Variants in CDK5RAP2 observed in about 807,000 individuals in gnomAD.
CDK5RAP2 encodes the protein CDK5 regulatory subunit associated protein 2, also known as CDK5 regulatory subunit-associated protein 2.
Under a neutral mutation model 232.9 loss-of-function variants are expected in CDK5RAP2, and 147 were observed. That is an observed-to-expected ratio of 0.63 (90% CI 0.55 to 0.72). The LOEUF (loss-of-function observed/expected upper bound fraction) is 0.72. CDK5RAP2 is among the 30% of genes least tolerant of loss of function. The pLI is 0.00. For synonymous variants in CDK5RAP2, 833 were observed against 833.7 expected, an observed-to-expected ratio of 1.00 and a Z score of 0.01; for missense variants, 2,195 against 2,231.5, an observed-to-expected ratio of 0.98 and a Z score of 0.33.
intron 32 of CDK5RAP2, 177 bp downstream of exon 32, chr9:120,406,835 G>A: frequency 1.6e-6 from 1 of 606,194 alleles, no homozygotes; most frequent in Non-Finnish European, 2.9e-6. Context: ...ACGCCACTTT[G>A]CCCAAGGTGA....
rs184745950 is a variant in CDK5RAP2 at position 120,534,013 on chromosome 9, T to C, written c.662+2359A>G. On this transcript the variant is annotated intron_variant, in intron 7 of 37. Transcript: ENST00000349780. ...TTCTGCATCAGCCTGAGAACCAGTC[T>C]TCTACCCAGCCCCAGTGTCAATCCA... Among the ~76,000 whole-genome samples, 35 of 152,248 alleles carry C rather than the reference T, an allele frequency of 2.3e-4. 2 individuals are homozygous for C. Among genetic ancestry groups the C allele is most frequent in the Admixed American group, 2.2e-3 (33 of 15,298 alleles).
intron 7 of CDK5RAP2, 58 bp downstream of exon 7, chr9:120,536,314 C>T: frequency 6.3e-7 from 1 of 1,576,700 alleles, no homozygotes; most frequent in Non-Finnish European, 8.7e-7. Flanking sequence ...GGAAACAATT[C>T]TTTCCCCACG....
chr9:120,561,089 TAAC>T lies in CDK5RAP2; in HGVS notation c.195+7229_195+7231del, dbSNP rs970103760. Among the ~76,000 whole-genome samples, 8 of 152,050 alleles carry T rather than the reference TAAC, an allele frequency of 5.3e-5. 1 individual carries two copies. Among genetic ancestry groups the T allele is most frequent in the Admixed American group, 2.0e-4 (3 of 15,274 alleles). ...AAACACTGTTAGACTTCACCTAGCA[TAAC>T]AAAAACCATGAACTTGGCTACCCAA... On this transcript the variant is annotated intron_variant, in intron 3 of 37. Coordinates refer to ENST00000349780, the MANE Select transcript of CDK5RAP2 (RefSeq NM_018249.6).
chr9:120,516,401 G>C (rs12238438), intron 12 of CDK5RAP2, among the ~76,000 whole-genome samples: 10,794 of 149,918 alleles, frequency 0.072, 628 homozygotes, highest in East Asian at 0.28. Flanking sequence ...AGCATTAGGA[G>C]ATATACCTAA....
chr9:120,478,397 T>C (rs1451897522), intron 14 of CDK5RAP2, among the ~76,000 whole-genome samples: 1 of 152,132 alleles, frequency 6.6e-6, no homozygotes, highest in African/African-American at 2.4e-5. Context: ...ATATGGGAGA[T>C]GTTGGTGAAA....
chr9:120,471,683 T>C, intron 16 of CDK5RAP2, 65 bp downstream of exon 16: 2 of 1,611,466 alleles, frequency 1.2e-6, no homozygotes, highest in Non-Finnish European at 1.7e-6. Context: ...AGGACTCTCC[T>C]GAAGTTCAGT....
Position 120,458,631 on chromosome 9 carries a change from A to G in CDK5RAP2, c.2203-9T>C. 1 of 1,613,714 alleles carries G rather than the reference A, an allele frequency of 6.2e-7. No individual in the cohort carries two copies. The highest frequency in any genetic ancestry group is 8.5e-7 in the Non-Finnish European group (1 of 1,179,576). ...GAAAGGTCTTTCATAATCTGCAAAT[A>G]AAAGTATTTGGTCAAATAATGGAAT... On this transcript the variant is annotated splice_polypyrimidine_tract_variant and intron_variant, in intron 19 of 37. Coordinates refer to ENST00000349780, the MANE Select transcript of CDK5RAP2 (RefSeq NM_018249.6).
intron 8 of CDK5RAP2, 41 bp downstream of exon 8, chr9:120,529,937 T>C: frequency 1.9e-6 from 3 of 1,597,362 alleles, no homozygotes; most frequent in Non-Finnish European, 1.7e-6. Flanking sequence ...AGGAGTCTGG[T>C]TGGCTAATTA....
At chr9:120,546,192 T>A (rs2041835115) in intron 4 of CDK5RAP2, among the ~76,000 whole-genome samples, 1 of 152,168 alleles carries the variant, frequency 6.6e-6, no homozygotes, top group African/African-American at 2.4e-5. Context: ...CAATCATGCA[T>A]GTGGTGGATG....
rs536217113 is a variant in CDK5RAP2, at chr9:120,476,582, G to A, written c.1727+768C>T. 3.3e-5 allele frequency among the ~76,000 whole-genome samples: 5 copies of A among 152,018 alleles called. No homozygotes were observed. In the South Asian group the frequency reaches 8.3e-4, roughly 25 times the overall value. ...TAGTCCCAACTACTTGGGAGGCTGA[G>A]GCAGGAGAATCGCTTGAACCCGGGA... On this transcript the variant is annotated intron_variant, in intron 15 of 37. Coordinates refer to ENST00000349780, the MANE Select transcript of CDK5RAP2 (RefSeq NM_018249.6).
At chr9:120,496,424 G>C (rs2039245417) in intron 12 of CDK5RAP2, among the ~76,000 whole-genome samples, 2 of 143,900 alleles carry the variant, frequency 1.4e-5, no homozygotes, top group Non-Finnish European at 3.1e-5. Flanking sequence ...CCCTGTCCGG[G>C]AGGTGAGGGG....
chr9:120,400,842 C>A lies in CDK5RAP2; in HGVS notation c.5351G>T (p.Ser1784Ile). The change falls in exon 35 of 38, where the codon AGC becomes ATC. Residue 1784 changes from serine (S) to isoleucine (I), a missense_variant. Ser to Ile is a moderately radical substitution (Grantham distance 142). Transcript: ENST00000349780. ...APLSKFVSSV[S>I]TAKLTLEEAY... ...CTCTTCCAGGGTCAGCTTGGCCGTG[C>A]TCACACTGCTCACAAACTTGCTCAG... The A allele has an allele frequency of 6.2e-7, 1 of 1,614,152 alleles. No homozygotes were observed. Among genetic ancestry groups the A allele is most frequent in the Non-Finnish European group, 8.5e-7 (1 of 1,180,018 alleles).
At position 120,411,462 on chromosome 9, in the gene CDK5RAP2, A is replaced by T; in HGVS notation, c.4310T>A (p.Ile1437Asn). 1 of 1,593,056 alleles carries T rather than the reference A, an allele frequency of 6.3e-7. No individual in the cohort carries two copies. The highest frequency in any genetic ancestry group is 1.1e-5 in the South Asian group (1 of 90,650). ...ATGAAGCTCTGAACCAGAAGCAAAA[A>T]TGCTTGTAGAACCTATAAAAACACA... ...GSEFVQGSTS[I>N]FASGSELHSS... The change falls in exon 29 of 38, where the codon ATT becomes AAT. Residue 1437 changes from isoleucine (I) to asparagine (N), a missense_variant. Coordinates refer to ENST00000349780, the MANE Select transcript of CDK5RAP2 (RefSeq NM_018249.6).
Position 120,456,837 on chromosome 9 carries a change from G to A in CDK5RAP2, c.2375+1613C>T, listed in dbSNP as rs142842938. ...ATGGGTAGTAAAAGGTGGTGAAAGA[G>A]GCCATTATAATATACTAAAGTGGTG... On this transcript the variant is annotated intron_variant, in intron 20 of 37. Coordinates refer to ENST00000349780, the MANE Select transcript of CDK5RAP2 (RefSeq NM_018249.6). Among the ~76,000 whole-genome samples, 693 of 152,304 alleles carry A rather than the reference G, an allele frequency of 4.6e-3. 2 individuals carry two copies. The highest frequency in any genetic ancestry group is 5.7e-3 in the Non-Finnish European group (388 of 68,028).
chr9:120,519,991 T>C (rs867426023), intron 11 of CDK5RAP2, among the ~76,000 whole-genome samples: 1 of 151,990 alleles, frequency 6.6e-6, no homozygotes, highest in African/African-American at 2.4e-5. Context: ...GCAAAGTCCA[T>C]GGGCAAAATA....
chr9:120,482,167 G>GA (rs547311215), intron 14 of CDK5RAP2, among the ~76,000 whole-genome samples: 4 of 151,690 alleles, frequency 2.6e-5, no homozygotes, highest in Non-Finnish European at 4.4e-5. Flanking sequence ...AAAGGTTGGG[G>GA]AAAAAAAACA....
intron 4 of CDK5RAP2, among the ~76,000 whole-genome samples, chr9:120,549,929 C>T (rs758864646): frequency 1.3e-5 from 2 of 152,336 alleles, no homozygotes; most frequent in Non-Finnish European, 2.9e-5. Flanking sequence ...AATCCCTCTT[C>T]AAGACAAGTC....
At chr9:120,498,127 T>C (rs1015671539) in intron 12 of CDK5RAP2, among the ~76,000 whole-genome samples, 1 of 152,220 alleles carries the variant, frequency 6.6e-6, no homozygotes, top group Admixed American at 6.5e-5. Flanking sequence ...GTGGATCACG[T>C]GCTTGCCCTT....
chr9:120,437,262 T>C, intron 25 of CDK5RAP2, 33 bp downstream of exon 25: 1 of 1,477,908 alleles, frequency 6.8e-7, no homozygotes, highest in Non-Finnish European at 9.4e-7. Flanking sequence ...CAATTACTGA[T>C]GTCTTAAGAC....
Sources: gnomAD v4.1 joint callset for allele counts (sites outside exome capture counted in the v4.1 genomes callset) on GRCh38, gnomAD v4.1.1 for gene constraint, MANE v1.5 for transcripts, NCBI Gene and HGNC (gene_info 2026-07-23, HGNC 2026-07-21) for gene names.